LRRC28: variants seen among roughly 807,000 people sequenced by gnomAD.
LRRC28 encodes the protein leucine rich repeat containing 28, also known as leucine-rich repeat-containing protein 28.
A neutral mutation model predicts 45.7 loss-of-function variants in LRRC28; 39 were observed. That is an observed-to-expected ratio of 0.85 (90% CI 0.66 to 1.12). The LOEUF (loss-of-function observed/expected upper bound fraction) is 1.12, where lower values mean the gene tolerates loss of function less well. Ranked by LOEUF, LRRC28 falls within the 50% of genes most tolerant of loss-of-function variation. The pLI is 0.00. For missense variants in LRRC28, 435 were observed against 438.5 expected (o/e 0.99, Z 0.07); for synonymous variants, 206 against 178.8 (o/e 1.15, Z -1.22).
intron 2 of LRRC28, among the ~76,000 whole-genome samples, chr15:99,271,771 G>C (rs2081486356): frequency 6.6e-6 from 1 of 152,024 alleles, no homozygotes; most frequent in Non-Finnish European, 1.5e-5. Flanking sequence ...TAATTTTTTT[G>C]TATTTTTAGT....
In LRRC28 at chr15:99,272,782, G is replaced by A. The variant is rs1171896741; in HGVS notation, c.169-3794G>A. Reference sequence around the variant, plus strand: ...AGGTAATTTAGTAGGAGGTATCTGAGTACATGTTATGTTTATCTGATAAAC... The same window carrying A: ...AGGTAATTTAGTAGGAGGTATCTGAATACATGTTATGTTTATCTGATAAAC... On this transcript the variant is annotated intron_variant, in intron 2 of 9. Transcript: ENST00000301981. 2.0e-5 allele frequency among the ~76,000 whole-genome samples: 3 copies of A among 152,178 alleles called. No individual in the cohort carries two copies. In the East Asian group the frequency reaches 5.8e-4, roughly 29 times the overall value.
chr15:99,365,225 A>G (rs1390751173), intron 9 of LRRC28, among the ~76,000 whole-genome samples: 4 of 152,230 alleles, frequency 2.6e-5, no homozygotes, highest in African/African-American at 9.7e-5. Context: ...TTTCCCTGCT[A>G]CAACTTAGAA....
In LRRC28 at chr15:99,285,611, C is replaced by T. The variant is rs371319491; in HGVS notation, c.210-1646C>T. ...GGGAGGAGAGACTTTAACGATGCTT[C>T]CTCAGCAGCATCCATGGGCAGCCAC... is the stretch of plus-strand genomic sequence containing the variant. On this transcript the variant is annotated intron_variant, in intron 3 of 9. Transcript: ENST00000301981. The T allele has an allele frequency of 1.6e-5, 11 of 677,838 alleles. 1 individual carries two copies. In the Middle Eastern group the frequency reaches 1.1e-3, roughly 65 times the overall value. The allele number at this position is 677,838 out of a possible 1,614,324, so 42.0% of individuals were successfully genotyped here.
At chr15:99,293,461 C>T (rs938813976) in intron 5 of LRRC28, among the ~76,000 whole-genome samples, 5 of 151,436 alleles carry the variant, frequency 3.3e-5, no homozygotes, top group South Asian at 2.1e-4. Flanking sequence ...GGCGTGGTGG[C>T]GCATGCCTGT....
chr15:99,292,580 G>T (rs1290702688), intron 5 of LRRC28, among the ~76,000 whole-genome samples: 2 of 151,860 alleles, frequency 1.3e-5, no homozygotes, highest in African/African-American at 4.8e-5. Flanking sequence ...TAGCCAGGAT[G>T]GTCTCGATCT....
At chr15:99,355,723 T>TTATTTCCAATTTTTCCAA in intron 7 of LRRC28, 1 of 149,706 alleles carries the variant, frequency 6.7e-6, no homozygotes, top group Non-Finnish European at 1.5e-5. Flanking sequence ...TTTTTTCCAA[T>TTATTTCCAATTTTTCCAA]TGTTTAATTA....
At chr15:99,362,528 G>A (rs1957231447) in intron 8 of LRRC28, among the ~76,000 whole-genome samples, 1 of 152,186 alleles carries the variant, frequency 6.6e-6, no homozygotes, top group South Asian at 2.1e-4. Context: ...TGTCTGTTTT[G>A]TGTAGCTCAG....
intron 5 of LRRC28, among the ~76,000 whole-genome samples, chr15:99,289,170 G>A (rs2082041605): frequency 6.6e-6 from 1 of 152,036 alleles, no homozygotes; most frequent in African/African-American, 2.4e-5. Flanking sequence ...TTCTTGGGAG[G>A]AGCATCCAGA....
At chr15:99,259,849 C>T (rs2081142804) in intron 2 of LRRC28, 13 of 822,630 alleles carry the variant, frequency 1.6e-5, no homozygotes, top group African/African-American at 5.0e-5. Flanking sequence ...AGAAAGAATG[C>T]CTTGCCTCAG....
Position 99,352,616 on chromosome 15 carries a change from A to C in LRRC28, c.695+145A>C, listed in dbSNP as rs994938398. On this transcript the variant is annotated intron_variant, in intron 7 of 9. Transcript: ENST00000301981. ...TTGGGCAGGCAGTTTGGAATATTGC[A>C]CATTGGGTTCAGTCAGTAAGTTATT... 3.8e-5 allele frequency: 22 copies of C among 581,436 alleles called. No individual in the cohort carries two copies. In the African/African-American group the frequency reaches 4.2e-4, roughly 11 times the overall value. 36.0% of individuals were successfully genotyped at this position (581,436 alleles called of 1,614,324 possible). A position where few individuals can be genotyped will look rare whatever the true frequency, so the allele number is the denominator to read the frequency against.
In LRRC28 at chr15:99,390,370, A is replaced by G. The variant is rs1958149373; in HGVS notation, c.*4268A>G. On this transcript the variant is annotated 3_prime_UTR_variant, in exon 10 of 10. Transcript: ENST00000301981. ...GTGGTGGATGGGCAGAAGGTGTAGC[A>G]TTCGGAGATTATTTCTGTATGTAAT... 6.6e-6 allele frequency: 1 copy of G among 152,222 alleles called. No homozygotes were observed. Among genetic ancestry groups the G allele is most frequent in the African/African-American group, 2.4e-5 (1 of 41,448 alleles). The allele number at this position is 152,222 out of a possible 1,614,324, so 9.4% of individuals were successfully genotyped here.
rs771786030 is a variant in LRRC28, at chr15:99,287,910, A to G, written c.344A>G (p.His115Arg). 6.2e-6 allele frequency: 10 copies of G among 1,613,840 alleles called. No individual in the cohort carries two copies. The South Asian group carries it at 9.9e-5, about 16-fold the overall frequency. Reference sequence around the variant, plus strand: ...ATTGGTCGTCTGAGAGCTTTACGTCATCTTCGATTAGCTAATAACCAACTG... The same window carrying G: ...ATTGGTCGTCTGAGAGCTTTACGTCGTCTTCGATTAGCTAATAACCAACTG... Reference protein sequence around the residue: ...PEIGRLRALRHLRLANNQLQF... With the variant: ...PEIGRLRALRRLRLANNQLQF... Residue 115 changes from histidine (H) to arginine (R), a missense_variant, in exon 5 of 10, where the codon CAT (histidine) becomes CGT (arginine). Physicochemically the swap from His to Arg is conservative, Grantham distance 29. Coordinates refer to ENST00000301981, the MANE Select transcript of LRRC28 (RefSeq NM_144598.5).
At chr15:99,267,539 A>G (rs1252150240) in intron 2 of LRRC28, among the ~76,000 whole-genome samples, 1 of 152,164 alleles carries the variant, frequency 6.6e-6, no homozygotes, top group African/African-American at 2.4e-5. Flanking sequence ...CCATGATTGC[A>G]CTGTTCTTGA....
At position 99,334,273 on chromosome 15, in the gene LRRC28, C is replaced by G. The variant is rs999096660; in HGVS notation, c.592+144C>G. 1.3e-5 allele frequency: 11 copies of G among 842,276 alleles called. No homozygotes were observed. The African/African-American group carries it at 1.9e-4, about 14-fold the overall frequency. 52.2% of individuals were successfully genotyped at this position (842,276 alleles called of 1,614,324 possible). On this transcript the variant is annotated intron_variant, in intron 6 of 9. Transcript: ENST00000301981. ...AAGTTTGTTTTTGCAGTGAACAAAGCGTCATTCCTAGCTAACAAATGGAAT... is the reference window on the plus strand; with the variant it reads ...AAGTTTGTTTTTGCAGTGAACAAAGGGTCATTCCTAGCTAACAAATGGAAT...
chr15:99,378,677 T>C (rs1158994430), intron 9 of LRRC28, among the ~76,000 whole-genome samples: 1 of 152,218 alleles, frequency 6.6e-6, no homozygotes, highest in African/African-American at 2.4e-5. Context: ...GCTGTGGGTT[T>C]GTCATAAATA....
At chr15:99,312,540 A>G (rs1955451434) in intron 5 of LRRC28, among the ~76,000 whole-genome samples, 3 of 152,196 alleles carry the variant, frequency 2.0e-5, no homozygotes, top group African/African-American at 7.2e-5. Flanking sequence ...TTATAAGTAG[A>G]CGGAGTACAC....
At chr15:99,369,967 T>G (rs1156671764) in intron 9 of LRRC28, among the ~76,000 whole-genome samples, 1 of 152,234 alleles carries the variant, frequency 6.6e-6, no homozygotes, top group Non-Finnish European at 1.5e-5. Context: ...CCAGTAGTCC[T>G]GGGGATAAAG....
chr15:99,380,816 A>T (rs191969955), intron 9 of LRRC28, among the ~76,000 whole-genome samples: 8 of 152,318 alleles, frequency 5.3e-5, no homozygotes, highest in Admixed American at 3.3e-4. Context: ...TGGATATGAA[A>T]TTCTAGATTG....
chr15:99,376,581 A>C (rs563955809), intron 9 of LRRC28, among the ~76,000 whole-genome samples: 1 of 152,180 alleles, frequency 6.6e-6, no homozygotes, highest in East Asian at 1.9e-4. Flanking sequence ...CATGTGCACA[A>C]CGTGCAGGTT....
Sources: gnomAD v4.1 joint callset for allele counts (sites outside exome capture counted in the v4.1 genomes callset) on GRCh38, gnomAD v4.1.1 for gene constraint, MANE v1.5 for transcripts, NCBI Gene and HGNC (gene_info 2026-07-23, HGNC 2026-07-21) for gene names.